GRM8: variants seen among roughly 807,000 people sequenced by gnomAD.
GRM8 encodes metabotropic glutamate receptor 8.
A neutral mutation model predicts 87.2 loss-of-function variants in GRM8; 47 were observed. The ratio of observed to expected loss-of-function variants is 0.54; its 90% CI spans 0.43 to 0.69. The LOEUF is 0.69. GRM8 is among the 30% of genes least tolerant of loss of function. The pLI is 0.00. For synonymous variants in GRM8, 396 were observed against 404.5 expected (o/e 0.98, Z 0.25); for missense variants, 1,019 against 1,139.2 (o/e 0.89, Z 1.52).
intron 6 of GRM8, among the ~76,000 whole-genome samples, chr7:126,797,391 C>A (rs1822071843): frequency 6.6e-6 from 1 of 152,050 alleles, no homozygotes; most frequent in South Asian, 2.1e-4. Context: ...TCTGGAATTA[C>A]AAGCAAAATA....
At chr7:126,802,329 C>T (rs189104557) in intron 6 of GRM8, among the ~76,000 whole-genome samples, 1 of 152,144 alleles carries the variant, frequency 6.6e-6, no homozygotes, top group East Asian at 1.9e-4. Context: ...TAATATGTTC[C>T]CAATCTCCCT....
At chr7:126,723,767 T>C (rs991914634) in intron 7 of GRM8, among the ~76,000 whole-genome samples, 1 of 152,160 alleles carries the variant, frequency 6.6e-6, no homozygotes, top group Non-Finnish European at 1.5e-5. Flanking sequence ...GTGTGAATCA[T>C]CTAAGCAAAC....
chr7:127,051,739 CAAAAAAAAAAAAA>C (rs59713382), intron 3 of GRM8, among the ~76,000 whole-genome samples: 1 of 58,462 alleles, frequency 1.7e-5, no homozygotes, highest in South Asian at 8.3e-4. Context: ...TAATGTTGAG[CAAAAAAAAAAAAA>C]AAAAAAAAAA....
intron 9 of GRM8, among the ~76,000 whole-genome samples, chr7:126,486,161 T>C (rs1359221751): frequency 6.6e-6 from 1 of 152,024 alleles, no homozygotes; most frequent in Non-Finnish European, 1.5e-5. Context: ...ACTAAGAGAC[T>C]AATTTCAGTA....
intron 2 of GRM8, among the ~76,000 whole-genome samples, chr7:127,161,304 A>T (rs1022413770): frequency 6.6e-6 from 1 of 152,162 alleles, no homozygotes; most frequent in African/African-American, 2.4e-5. Context: ...TTTAGAAAAA[A>T]CAAGATGCAC....
At chr7:126,539,727 G>A (rs1816317939) in intron 8 of GRM8, among the ~76,000 whole-genome samples, 1 of 151,144 alleles carries the variant, frequency 6.6e-6, no homozygotes, top group Non-Finnish European at 1.5e-5. Flanking sequence ...AAAAAATGAT[G>A]CCAAAATAAC....
At chr7:126,601,662 T>G in intron 8 of GRM8, among the ~76,000 whole-genome samples, 1 of 148,764 alleles carries the variant, frequency 6.7e-6, no homozygotes, top group African/African-American at 2.5e-5. Flanking sequence ...TGGTTTTGAT[T>G]TGCATTTCTC....
In GRM8 at chr7:127,123,517, T is replaced by C. The variant is rs73444293; in HGVS notation, c.511-16805A>G. Among the ~76,000 whole-genome samples, 372 of 152,232 alleles carry C rather than the reference T, an allele frequency of 2.4e-3. 2 individuals carry two copies. The highest frequency in any genetic ancestry group is 8.4e-3 in the African/African-American group (347 of 41,556). On this transcript the variant is annotated intron_variant, in intron 2 of 10. Coordinates refer to ENST00000339582, the MANE Select transcript of GRM8 (RefSeq NM_000845.3). Reference sequence around the variant, plus strand: ...TGCACACTCTAGCTCCCTTTCTGCCTTCAGCCATGAGTGGAGGCAGCCTCA... The same window carrying C: ...TGCACACTCTAGCTCCCTTTCTGCCCTCAGCCATGAGTGGAGGCAGCCTCA...
intron 2 of GRM8, among the ~76,000 whole-genome samples, chr7:127,163,711 C>A (rs1173654748): frequency 6.6e-6 from 1 of 152,062 alleles, no homozygotes; most frequent in Non-Finnish European, 1.5e-5. Flanking sequence ...GATTTGATAA[C>A]CGTCAAAGCT....
At position 126,677,233 on chromosome 7, in the gene GRM8, A is replaced by G. The variant is rs1807053071; in HGVS notation, c.1358-67735T>C. 3.3e-5 allele frequency among the ~76,000 whole-genome samples: 5 copies of G among 152,254 alleles called. No homozygotes were observed. In the South Asian group the frequency reaches 1.0e-3, roughly 32 times the overall value. On this transcript the variant is annotated intron_variant, in intron 7 of 10. Coordinates refer to ENST00000339582, the MANE Select transcript of GRM8 (RefSeq NM_000845.3). Reference sequence around the variant, plus strand: ...TGGCACAGATGTAGTGAAAGGGAACACTTACACACCGGAGATTGGAATATA... The same window carrying G: ...TGGCACAGATGTAGTGAAAGGGAACGCTTACACACCGGAGATTGGAATATA...
intron 6 of GRM8, among the ~76,000 whole-genome samples, chr7:126,868,049 AC>A (rs1353243744): frequency 1.3e-5 from 2 of 152,154 alleles, no homozygotes; most frequent in Admixed American, 1.3e-4. Context: ...CTTGGCTGGT[AC>A]CCTCTGGGCC....
chr7:126,546,275 C>T (rs1305770779), intron 8 of GRM8, among the ~76,000 whole-genome samples: 5 of 152,130 alleles, frequency 3.3e-5, no homozygotes, highest in Non-Finnish European at 7.4e-5. Context: ...TGATATGCAT[C>T]ACATCACACA....
chr7:127,014,494 G>A (rs1416648340), intron 3 of GRM8, among the ~76,000 whole-genome samples: 1 of 152,020 alleles, frequency 6.6e-6, no homozygotes, highest in East Asian at 1.9e-4. Flanking sequence ...CTAGCTGTGT[G>A]CCTTGTGTAA....
At chr7:126,872,396 C>T (rs1369820938) in intron 6 of GRM8, among the ~76,000 whole-genome samples, 1 of 152,090 alleles carries the variant, frequency 6.6e-6, no homozygotes, top group African/African-American at 2.4e-5. Context: ...CTTTGTCTTA[C>T]CCAGAGGCCA....
chr7:126,617,863 C>T (rs1380910655), intron 7 of GRM8, among the ~76,000 whole-genome samples: 1 of 152,000 alleles, frequency 6.6e-6, no homozygotes, highest in African/African-American at 2.4e-5. Context: ...AACCACTGCT[C>T]AACAAAATAA....
rs17869630 is a variant in GRM8 at position 127,083,334 on chromosome 7, C to G, written c.727+23162G>C. The stretch of plus-strand genomic sequence containing the variant: ...CCCCATTGCTTGCAATTGTTTGATT[C>G]TACTTCTTAAAGGTCTTCCTACTAG... On this transcript the variant is annotated intron_variant, in intron 3 of 10. Transcript: ENST00000339582. Among the ~76,000 whole-genome samples, 107 of 152,180 alleles carry G rather than the reference C, an allele frequency of 7.0e-4. 3 individuals carry two copies. In the East Asian group the frequency reaches 0.02, roughly 28 times the overall value.
chr7:127,241,233 G>C (rs1402854944), intron 2 of GRM8, among the ~76,000 whole-genome samples: 1 of 152,164 alleles, frequency 6.6e-6, no homozygotes. Context: ...TTACAAAGAG[G>C]ATTCCAGTGC....
At chr7:126,899,566 T>C (rs1412969926) in intron 6 of GRM8, among the ~76,000 whole-genome samples, 1 of 152,182 alleles carries the variant, frequency 6.6e-6, no homozygotes, top group African/African-American at 2.4e-5. Context: ...TATCCAAATT[T>C]AGCATTTAAT....
At chr7:127,175,492 G>A (rs1298610214) in intron 2 of GRM8, among the ~76,000 whole-genome samples, 6 of 152,030 alleles carry the variant, frequency 3.9e-5, no homozygotes, top group Non-Finnish European at 8.8e-5. Context: ...GATCCATGAG[G>A]TTCAGAGAAA....
Sources: gnomAD v4.1 joint callset for allele counts (sites outside exome capture counted in the v4.1 genomes callset) on GRCh38, gnomAD v4.1.1 for gene constraint, MANE v1.5 for transcripts, NCBI Gene and HGNC (gene_info 2026-07-23, HGNC 2026-07-21) for gene names.